DCC: variants seen among roughly 807,000 people sequenced by gnomAD.
The protein encoded by DCC is DCC netrin 1 receptor.
In DCC, 58 loss-of-function variants were observed where a neutral mutation model predicts 172.5. The ratio of observed to expected loss-of-function variants is 0.34; its 90% CI spans 0.27 to 0.42. DCC has a LOEUF of 0.42. Among genes scored for constraint, DCC ranks in the 10% least tolerant of loss-of-function variants. DCC has a pLI of 1.00. For missense variants in DCC, 1,740 were observed against 1,791.0 expected, an observed-to-expected ratio of 0.97 and a Z score of 0.51; for synonymous variants, 709 against 644.5, an observed-to-expected ratio of 1.10 and a Z score of -1.52.
chr18:53,314,747 T>C (rs2057324152), intron 13 of DCC, among the ~76,000 whole-genome samples: 1 of 152,184 alleles, frequency 6.6e-6, no homozygotes, highest in Admixed American at 6.5e-5. Context: ...TAAAATATAA[T>C]ACTTCAAAGA....
At chr18:52,427,349 T>C (rs1987462911) in intron 1 of DCC, among the ~76,000 whole-genome samples, 1 of 151,988 alleles carries the variant, frequency 6.6e-6, no homozygotes, top group Non-Finnish European at 1.5e-5. Flanking sequence ...GTTAACTCTA[T>C]GATCACTTTT....
chr18:52,588,988 C>A (rs2033739968), intron 1 of DCC, among the ~76,000 whole-genome samples: 1 of 151,924 alleles, frequency 6.6e-6, no homozygotes, highest in Non-Finnish European at 1.5e-5. Context: ...CCCAGTAATA[C>A]AACAATTTGT....
At chr18:52,856,845 A>G (rs907215404) in intron 2 of DCC, among the ~76,000 whole-genome samples, 5 of 152,168 alleles carry the variant, frequency 3.3e-5, no homozygotes, top group Non-Finnish European at 5.9e-5. Flanking sequence ...TGCTCCATGT[A>G]CGCACCAGAG....
chr18:52,610,177 AAATATATATATATATATATATATATATAT>A (rs1305550210), intron 1 of DCC, among the ~76,000 whole-genome samples: 1 of 19,038 alleles, frequency 5.3e-5, no homozygotes, highest in Non-Finnish European at 9.2e-5. Flanking sequence ...AAAAAAAAAA[AAATATATATATATATATATATATATATAT>A]ATATATATAT....
intron 1 of DCC, among the ~76,000 whole-genome samples, chr18:52,500,641 T>A (rs1387517722): frequency 1.3e-5 from 2 of 152,196 alleles, no homozygotes; most frequent in Admixed American, 1.3e-4. Flanking sequence ...TGAATACAAT[T>A]TTCTATTAAA....
At chr18:53,215,310 A>G (rs557267147) in intron 11 of DCC, among the ~76,000 whole-genome samples, 2 of 152,170 alleles carry the variant, frequency 1.3e-5, no homozygotes, top group South Asian at 4.1e-4. Context: ...CTTGCGTAAC[A>G]GTTTTAGGGG....
chr18:53,066,236 A>G lies in DCC; in HGVS notation c.1261+70A>G, dbSNP rs1269485339. On this transcript the variant is annotated intron_variant, in intron 7 of 28. Transcript: ENST00000442544. ...TTCATAGTCTGTTGGTAAAATCCAT[A>G]TTGTTTTTCCTACCCCTCAAGGGCA... The G allele has an allele frequency of 3.3e-6, 5 of 1,519,356 alleles. No individual in the cohort carries two copies. In the Admixed American group the frequency reaches 6.8e-5, roughly 21 times the overall value. The allele number at this position is 1,519,356 out of a possible 1,614,324, so 94.1% of individuals were successfully genotyped here.
rs983701436 is a variant in DCC, at chr18:53,308,331, A to C, written c.2053+2612A>C. On this transcript the variant is annotated intron_variant, in intron 13 of 28. Transcript: ENST00000442544. ...GTACAAGAGCTCGTATTTATTAAAA[A>C]AAGCATTCACATAAAAATATTTAGA... Among the ~76,000 whole-genome samples, 8 of 152,146 alleles carry C rather than the reference A, an allele frequency of 5.3e-5. No homozygotes were observed. The East Asian group carries it at 1.5e-3, about 29-fold the overall frequency.
intron 1 of DCC, among the ~76,000 whole-genome samples, chr18:52,511,263 A>G (rs2031428074): frequency 7.6e-6 from 1 of 130,972 alleles, no homozygotes; most frequent in Non-Finnish European, 1.6e-5. Context: ...CCTGGGCGAC[A>G]GGGCAAGACT....
At chr18:53,426,251 TTATATATAAATACA>T (rs1910931225) in intron 21 of DCC, among the ~76,000 whole-genome samples, 1 of 145,356 alleles carries the variant, frequency 6.9e-6, no homozygotes, top group African/African-American at 2.5e-5. Flanking sequence ...ATTTATATAT[TTATATATAAATACA>T]TATATATTTA....
chr18:52,571,795 G>T (rs1462370518), intron 1 of DCC, among the ~76,000 whole-genome samples: 1 of 152,110 alleles, frequency 6.6e-6, no homozygotes, highest in Non-Finnish European at 1.5e-5. Flanking sequence ...TGGGAAACTG[G>T]TTCGGTTCTG....
intron 9 of DCC, among the ~76,000 whole-genome samples, chr18:53,203,828 T>C (rs913709027): frequency 6.6e-6 from 1 of 152,186 alleles, no homozygotes; most frequent in African/African-American, 2.4e-5. Flanking sequence ...CCTGGAATGG[T>C]GGTATCATTT....
intron 2 of DCC, among the ~76,000 whole-genome samples, chr18:52,798,921 A>T (rs1395950357): frequency 1.3e-5 from 2 of 151,854 alleles, no homozygotes; most frequent in African/African-American, 2.4e-5. Context: ...CTAATTCTTT[A>T]TATTTTTAGT....
chr18:53,259,435 G>T (rs865837584), intron 12 of DCC, among the ~76,000 whole-genome samples: 3 of 152,030 alleles, frequency 2.0e-5, no homozygotes, highest in African/African-American at 4.8e-5. Flanking sequence ...GCATTTGCTT[G>T]TCTGTAAAGT....
chr18:52,785,544 G>C (rs9956105), intron 2 of DCC, among the ~76,000 whole-genome samples: 6,934 of 152,026 alleles, frequency 0.046, 238 homozygotes, highest in South Asian at 0.16. Flanking sequence ...GTGGGGAAAA[G>C]CAGCTAGGGC....
At chr18:53,194,236 C>A (rs2055410145) in intron 9 of DCC, among the ~76,000 whole-genome samples, 1 of 151,930 alleles carries the variant, frequency 6.6e-6, no homozygotes. Flanking sequence ...CAGTGAATGC[C>A]CTTTCTGAAG....
chr18:53,063,830 A>T (rs2042530004), intron 6 of DCC, among the ~76,000 whole-genome samples: 1 of 152,188 alleles, frequency 6.6e-6, no homozygotes, highest in African/African-American at 2.4e-5. Flanking sequence ...TTTGACTTTT[A>T]CCCATTTTAA....
In DCC at chr18:53,490,772, G is replaced by A. The variant is rs2045951758; in HGVS notation, c.3898+3814G>A. Among the ~76,000 whole-genome samples, 3 of 152,176 alleles carry A rather than the reference G, an allele frequency of 2.0e-5. No individual in the cohort carries two copies. The South Asian group carries it at 6.2e-4, about 31-fold the overall frequency. On this transcript the variant is annotated intron_variant, in intron 26 of 28. Transcript: ENST00000442544. ...TCATCTGAAATGAGAGTATTTCACT[G>A]GCGGACCAGTTGCTATTGTATTTGT...
At chr18:53,041,467 CT>C (rs1303430218) in intron 5 of DCC, among the ~76,000 whole-genome samples, 1 of 151,956 alleles carries the variant, frequency 6.6e-6, no homozygotes, top group African/African-American at 2.4e-5. Flanking sequence ...CAGCTTTGTT[CT>C]TTTTTCTTAG....
Sources: allele counts gnomAD v4.1 joint callset (sites outside exome capture counted in the v4.1 genomes callset), GRCh38; gene constraint gnomAD v4.1.1; transcripts MANE v1.5; gene names NCBI Gene and HGNC (gene_info 2026-07-23, HGNC 2026-07-21).